The following MYZAP variants were observed in gnomAD, a reference collection of about 807,000 sequenced individuals.
MYZAP encodes the protein myocardial zonula adherens protein.
In MYZAP, 66 loss-of-function variants were observed where a neutral mutation model predicts 69.4. The observed-to-expected ratio is 0.95, with a 90% CI of 0.78 to 1.17. The LOEUF (loss-of-function observed/expected upper bound fraction) is 1.17, where lower values mean the gene tolerates loss of function less well. Ranked by LOEUF, MYZAP falls within the 50% of genes most tolerant of loss-of-function variation. The probability of loss-of-function intolerance (pLI) is 0.00; values close to 1 mark genes in which losing one functional copy is unlikely to be tolerated. For synonymous variants in MYZAP, 256 were observed against 205.9 expected, an observed-to-expected ratio of 1.24 and a Z score of -2.09; for missense variants, 611 against 556.2, an observed-to-expected ratio of 1.10 and a Z score of -0.99.
intron 11 of MYZAP, among the ~76,000 whole-genome samples, chr15:57,671,968 T>C (rs1485683800): frequency 2.6e-5 from 4 of 152,224 alleles, no homozygotes; most frequent in Non-Finnish European, 5.9e-5. Flanking sequence ...TTGTGAGTGC[T>C]TTGTTGGGTT....
chr15:57,621,369 C>G (rs576338108), intron 3 of MYZAP, among the ~76,000 whole-genome samples: 2 of 151,878 alleles, frequency 1.3e-5, no homozygotes, highest in East Asian at 3.9e-4. Flanking sequence ...CACCACCACA[C>G]CCCCCAACTA....
At chr15:57,595,657 T>C (rs2034008781) in intron 1 of MYZAP, among the ~76,000 whole-genome samples, 1 of 152,130 alleles carries the variant, frequency 6.6e-6, no homozygotes, top group African/African-American at 2.4e-5. Context: ...TCCTGGGCTG[T>C]GGAATGATAG....
intron 4 of MYZAP, among the ~76,000 whole-genome samples, chr15:57,624,885 G>A (rs902615988): frequency 6.6e-6 from 1 of 152,024 alleles, no homozygotes; most frequent in South Asian, 2.1e-4. Flanking sequence ...CTGCTGTGCC[G>A]GGGCTGCTTT....
At chr15:57,671,630 T>C (rs2038871628) in intron 11 of MYZAP, among the ~76,000 whole-genome samples, 1 of 152,180 alleles carries the variant, frequency 6.6e-6, no homozygotes, top group South Asian at 2.1e-4. Flanking sequence ...ATTGTAAAAT[T>C]TACTGACTTT....
chr15:57,615,946 T>C (rs1041242753), intron 2 of MYZAP, among the ~76,000 whole-genome samples: 6 of 130,482 alleles, frequency 4.6e-5, no homozygotes, highest in Non-Finnish European at 8.0e-5. Flanking sequence ...AAAGATTACA[T>C]TGAAACGAAG....
chr15:57,601,968 T>A (rs148267928), intron 1 of MYZAP, among the ~76,000 whole-genome samples: 107 of 152,102 alleles, frequency 7.0e-4, no homozygotes, highest in African/African-American at 2.6e-3. Context: ...CTAACATGGG[T>A]CCCAAACCTG....
intron 10 of MYZAP, among the ~76,000 whole-genome samples, chr15:57,649,241 G>A (rs1335931593): frequency 1.3e-5 from 2 of 152,138 alleles, no homozygotes; most frequent in African/African-American, 4.8e-5. Context: ...AATTGCTAGG[G>A]CATGGGATTG....
intron 2 of MYZAP, among the ~76,000 whole-genome samples, chr15:57,609,324 G>A (rs1266088018): frequency 6.6e-6 from 1 of 152,186 alleles, no homozygotes; most frequent in Non-Finnish European, 1.5e-5. Flanking sequence ...TCACGGTTCT[G>A]GAGTTCATAT....
chr15:57,675,031 A>C lies in MYZAP; in HGVS notation c.1267A>C (p.Thr423Pro), dbSNP rs1424452225. 1.2e-6 allele frequency: 2 copies of C among 1,613,702 alleles called. No individual in the cohort carries two copies. The highest frequency in any genetic ancestry group is 3.3e-5 in the Admixed American group (2 of 60,026). Reference protein sequence around the residue: ...TETQAKTEVETREIGVGCDLL... With the variant: ...TETQAKTEVEPREIGVGCDLL... Reference sequence around the variant, plus strand: ...AACCCAGGCCAAGACCGAAGTGGAAACCAGAGAGATAGGAGTGGGCTGTGA... The same window carrying C: ...AACCCAGGCCAAGACCGAAGTGGAACCCAGAGAGATAGGAGTGGGCTGTGA... The change falls in exon 12 of 13, where the codon ACC becomes CCC. Residue 423 changes from threonine to proline, a missense_variant. Physicochemically the swap from Thr to Pro is conservative, Grantham distance 38. Transcript: ENST00000267853.
chr15:57,650,498 T>C (rs943739682), intron 10 of MYZAP, among the ~76,000 whole-genome samples: 6 of 152,220 alleles, frequency 3.9e-5, no homozygotes, highest in Admixed American at 3.9e-4. Flanking sequence ...AGTGGTTAAG[T>C]TCATAGGCTT....
In MYZAP at chr15:57,661,495, C is replaced by T; in HGVS notation, c.1165C>T (p.Leu389=). ...KKLQQKQLLI[L]QLLEKISFLE... ...GTTGCAACAGAAACAGCTCTTAATA[C>T]TGCAGCTTTTAGAAAAGATATCTTT... Residue 389 remains leucine (L), a synonymous_variant, in exon 11 of 13, where the codon CTG becomes TTG. Coordinates refer to ENST00000267853, the MANE Select transcript of MYZAP (RefSeq NM_001018100.5). 6.2e-7 allele frequency: 1 copy of T among 1,609,888 alleles called. No individual in the cohort carries two copies.
chr15:57,636,005 T>C (rs1461503154), intron 8 of MYZAP, among the ~76,000 whole-genome samples: 1 of 152,222 alleles, frequency 6.6e-6, no homozygotes, highest in Non-Finnish European at 1.5e-5. Flanking sequence ...TTCACAGGTG[T>C]TTACAAATGT....
In MYZAP at chr15:57,595,668, A is replaced by G. The variant is rs539065247; in HGVS notation, c.75+3559A>G. On this transcript the variant is annotated intron_variant, in intron 1 of 12. Coordinates refer to ENST00000267853, the MANE Select transcript of MYZAP (RefSeq NM_001018100.5). Reference sequence around the variant, plus strand: ...CTGATCCTGGGCTGTGGAATGATAGATCTGTCAAGGATCTTCTCCAGCACC... The same window carrying G: ...CTGATCCTGGGCTGTGGAATGATAGGTCTGTCAAGGATCTTCTCCAGCACC... 2.0e-3 allele frequency among the ~76,000 whole-genome samples: 304 copies of G among 152,214 alleles called. 3 individuals carry two copies. Among genetic ancestry groups the G allele is most frequent in the African/African-American group, 7.1e-3 (295 of 41,546 alleles).
At position 57,592,070 on chromosome 15, in the gene MYZAP, G is replaced by T; in HGVS notation, c.36G>T (p.Ser12=). ...LRSTSTVTLL[S]GGAARTPGAP... is the part of the protein sequence containing the mutation. ...CCACGTCCACGGTCACCCTGCTCTC[G>T]GGCGGCGCCGCCAGGACGCCCGGGG... The change falls in exon 1 of 13, where the codon TCG becomes TCT. Residue 12 remains serine, a synonymous_variant. Coordinates refer to ENST00000267853, the MANE Select transcript of MYZAP (RefSeq NM_001018100.5). The T allele has an allele frequency of 7.2e-7, 1 of 1,392,152 alleles. No homozygotes were observed. Among genetic ancestry groups the T allele is most frequent in the Non-Finnish European group, 9.3e-7 (1 of 1,076,522 alleles). 86.2% of individuals were successfully genotyped at this position (1,392,152 alleles called of 1,614,324 possible).
At chr15:57,642,166 A>G (rs772899484) in intron 10 of MYZAP, among the ~76,000 whole-genome samples, 3 of 152,216 alleles carry the variant, frequency 2.0e-5, no homozygotes, top group Non-Finnish European at 2.9e-5. Context: ...GAAGTTCTCT[A>G]GTGTTCCTCC....
chr15:57,591,906 T>G lies in MYZAP; in HGVS notation c.-129T>G. ...CGCCCCCGGCCCCACCCCCGGGCCTTCGCGGTGCAGCTGAGGCTGCAAGTA... is the reference window on the plus strand; with the variant it reads ...CGCCCCCGGCCCCACCCCCGGGCCTGCGCGGTGCAGCTGAGGCTGCAAGTA... On this transcript the variant is annotated 5_prime_UTR_variant, in exon 1 of 13. Coordinates refer to ENST00000267853, the MANE Select transcript of MYZAP (RefSeq NM_001018100.5). The G allele has an allele frequency of 3.4e-6, 3 of 878,444 alleles. No individual in the cohort carries two copies. The highest frequency in any genetic ancestry group is 4.4e-6 in the Non-Finnish European group (3 of 688,426). 54.4% of individuals were successfully genotyped at this position (878,444 alleles called of 1,614,324 possible).
intron 1 of MYZAP, among the ~76,000 whole-genome samples, chr15:57,603,125 A>G (rs1208514253): frequency 6.6e-6 from 1 of 152,204 alleles, no homozygotes; most frequent in African/African-American, 2.4e-5. Flanking sequence ...TATTTCAGTG[A>G]AATTTTTTGG....
At chr15:57,677,929 C>T (rs908545815) in intron 12 of MYZAP, among the ~76,000 whole-genome samples, 9 of 151,308 alleles carry the variant, frequency 5.9e-5, no homozygotes, top group African/African-American at 2.0e-4. Context: ...AGAGACTGGG[C>T]ATGGTGGGTC....
intron 2 of MYZAP, among the ~76,000 whole-genome samples, chr15:57,617,355 C>T (rs186127476): frequency 2.6e-5 from 4 of 152,112 alleles, no homozygotes; most frequent in Admixed American, 6.5e-5. Flanking sequence ...TCTATAAAGG[C>T]GTGTTAAGGC....
Sources: gnomAD v4.1 joint callset for allele counts (sites outside exome capture counted in the v4.1 genomes callset) on GRCh38, gnomAD v4.1.1 for gene constraint, MANE v1.5 for transcripts, NCBI Gene and HGNC (gene_info 2026-07-23, HGNC 2026-07-21) for gene names.